The following RIT2 variants were observed in gnomAD, a reference collection of about 807,000 sequenced individuals.
The protein encoded by RIT2 is Ras like without CAAX 2, also known as GTP-binding protein Rit2.
A neutral mutation model predicts 23.7 loss-of-function variants in RIT2; 24 were observed. The ratio of observed to expected loss-of-function variants is 1.01; its 90% confidence interval spans 0.73 to 1.43. RIT2 has a LOEUF of 1.43. Ranked by LOEUF, RIT2 falls within the 40% of genes most tolerant of loss-of-function variation. The pLI is 0.00. For missense variants in RIT2, 236 were observed against 266.9 expected, an observed-to-expected ratio of 0.88 and a Z score of 0.81; for synonymous variants, 107 against 91.1, an observed-to-expected ratio of 1.17 and a Z score of -0.99.
intron 4 of RIT2, among the ~76,000 whole-genome samples, chr18:42,891,765 C>T (rs1340037265): frequency 6.6e-6 from 1 of 152,014 alleles, no homozygotes; most frequent in African/African-American, 2.4e-5. Context: ...ATAAGCAGGG[C>T]ACAGGTGAAT....
intron 4 of RIT2, among the ~76,000 whole-genome samples, chr18:42,917,404 G>C (rs964674463): frequency 1.3e-5 from 2 of 152,094 alleles, no homozygotes; most frequent in Admixed American, 6.6e-5. Context: ...AGAATTTGTT[G>C]TTACATGAAA....
At chr18:42,753,443 G>A (rs891838785) in intron 4 of RIT2, among the ~76,000 whole-genome samples, 6 of 152,278 alleles carry the variant, frequency 3.9e-5, no homozygotes, top group African/African-American at 1.4e-4. Flanking sequence ...AGAAAGATGG[G>A]TCTGGCTCTT....
chr18:42,851,407 C>T (rs898659594), intron 4 of RIT2, among the ~76,000 whole-genome samples: 1 of 152,120 alleles, frequency 6.6e-6, no homozygotes, highest in African/African-American at 2.4e-5. Context: ...CAAAACAAGA[C>T]AAAAGCAACA....
chr18:42,810,478 A>G (rs1359676048), intron 4 of RIT2, among the ~76,000 whole-genome samples: 1 of 151,900 alleles, frequency 6.6e-6, no homozygotes, highest in Non-Finnish European at 1.5e-5. Context: ...TTCATTATAC[A>G]ATATCTTCTC....
intron 1 of RIT2, among the ~76,000 whole-genome samples, chr18:43,076,966 A>G (rs1232035531): frequency 3.3e-5 from 5 of 150,024 alleles, no homozygotes; most frequent in African/African-American, 7.3e-5. Context: ...AGCCGGCCGT[A>G]GTGGCGGGCG....
intron 4 of RIT2, among the ~76,000 whole-genome samples, chr18:42,882,027 A>G (rs1249436963): frequency 6.6e-6 from 1 of 152,232 alleles, no homozygotes; most frequent in Non-Finnish European, 1.5e-5. Flanking sequence ...TAAGCATTTC[A>G]TGCTTTTTTC....
intron 1 of RIT2, among the ~76,000 whole-genome samples, chr18:43,109,005 G>A (rs1913892672): frequency 6.6e-6 from 1 of 152,182 alleles, no homozygotes; most frequent in African/African-American, 2.4e-5. Flanking sequence ...CAGAGGCTGT[G>A]GGACATGAAT....
chr18:42,887,572 A>C (rs575779900), intron 4 of RIT2, among the ~76,000 whole-genome samples: 1 of 152,262 alleles, frequency 6.6e-6, no homozygotes, highest in African/African-American at 2.4e-5. Context: ...AGGATGCAAA[A>C]TGGTACAGTC....
At chr18:42,751,176 A>C (rs2143883223) in intron 4 of RIT2, among the ~76,000 whole-genome samples, 1 of 152,046 alleles carries the variant, frequency 6.6e-6, no homozygotes, top group Admixed American at 6.6e-5. Context: ...ACATTGAGTT[A>C]TCATTTTGGA....
chr18:42,972,093 T>A lies in RIT2; in HGVS notation c.234+1981A>T, dbSNP rs866106133. ...TTTCCCAGAGCAGCCATTTTTTTTATTTGATCATTTTAGTTGCTACAAACC... is the reference window on the plus strand; with the variant it reads ...TTTCCCAGAGCAGCCATTTTTTTTAATTGATCATTTTAGTTGCTACAAACC... On this transcript the variant is annotated intron_variant, in intron 3 of 4. Transcript: ENST00000326695. Among the ~76,000 whole-genome samples the A allele has an allele frequency of 1.8e-4, 27 of 152,084 alleles. No homozygotes were observed. In the Middle Eastern group the frequency reaches 0.02, roughly 115 times the overall value.
intron 3 of RIT2, among the ~76,000 whole-genome samples, chr18:42,970,190 A>C (rs1373805617): frequency 6.6e-6 from 1 of 151,746 alleles, no homozygotes; most frequent in Non-Finnish European, 1.5e-5. Flanking sequence ...TTTTTTTTTC[A>C]GGAGATAGAT....
chr18:42,972,538 G>A (rs1403931908), intron 3 of RIT2, among the ~76,000 whole-genome samples: 1 of 151,730 alleles, frequency 6.6e-6, no homozygotes, highest in Non-Finnish European at 1.5e-5. Context: ...CATGATGTAG[G>A]TTTTCAACTT....
intron 1 of RIT2, among the ~76,000 whole-genome samples, chr18:43,055,177 G>C (rs1267928063): frequency 1.3e-5 from 2 of 152,112 alleles, no homozygotes; most frequent in African/African-American, 4.8e-5. Context: ...TGATAAATCA[G>C]TGATTGCTTC....
At chr18:43,080,620 A>C (rs996703643) in intron 1 of RIT2, among the ~76,000 whole-genome samples, 5 of 152,112 alleles carry the variant, frequency 3.3e-5, no homozygotes, top group Non-Finnish European at 7.4e-5. Context: ...GGCTTGAAAA[A>C]TTGGCATTGA....
At chr18:42,878,860 T>C (rs1457356765) in intron 4 of RIT2, among the ~76,000 whole-genome samples, 1 of 147,972 alleles carries the variant, frequency 6.8e-6, no homozygotes, top group Admixed American at 6.8e-5. Flanking sequence ...TTCTTACTTC[T>C]ACTCATCTAT....
chr18:43,078,897 C>T (rs894536074), intron 1 of RIT2, among the ~76,000 whole-genome samples: 2 of 152,080 alleles, frequency 1.3e-5, no homozygotes, highest in East Asian at 1.9e-4. Flanking sequence ...CCCAGAGGAG[C>T]GGGAAAAGGA....
At chr18:42,891,193 C>G (rs1908164413) in intron 4 of RIT2, among the ~76,000 whole-genome samples, 1 of 152,096 alleles carries the variant, frequency 6.6e-6, no homozygotes, top group African/African-American at 2.4e-5. Flanking sequence ...TTCTTCTCTG[C>G]CTTTCCCTAA....
chr18:42,750,624 A>G (rs1913024287), intron 4 of RIT2, among the ~76,000 whole-genome samples: 1 of 151,820 alleles, frequency 6.6e-6, no homozygotes, highest in Non-Finnish European at 1.5e-5. Flanking sequence ...CTTTGTCACA[A>G]AAAGTGAGTT....
At chr18:42,975,912 A>T (rs2144206738) in intron 2 of RIT2, among the ~76,000 whole-genome samples, 1 of 152,228 alleles carries the variant, frequency 6.6e-6, no homozygotes, top group Non-Finnish European at 1.5e-5. Context: ...AAGCATCTAC[A>T]GCTAGACATT....
Sources: allele counts gnomAD v4.1 joint callset (sites outside exome capture counted in the v4.1 genomes callset), GRCh38; gene constraint gnomAD v4.1.1; transcripts MANE v1.5; gene names NCBI Gene and HGNC (gene_info 2026-07-23, HGNC 2026-07-21).